The following LIPC variants were observed in gnomAD, a reference collection of about 807,000 sequenced individuals.
LIPC encodes the protein lipase C, hepatic type.
A neutral mutation model predicts 50.7 loss-of-function variants in LIPC; 44 were observed. The observed-to-expected ratio is 0.87, with a 90% CI of 0.68 to 1.11. The LOEUF is 1.11. Among genes scored for constraint, LIPC ranks in the 50% most tolerant of loss-of-function variants. The pLI, the probability that LIPC is intolerant of heterozygous loss-of-function variation, is 0.00. For missense variants in LIPC, 697 were observed against 648.2 expected, an observed-to-expected ratio of 1.08 and a Z score of -0.82; for synonymous variants, 271 against 256.4, an observed-to-expected ratio of 1.06 and a Z score of -0.54.
chr15:58,504,299 C>A (rs1892077099), intron 1 of LIPC, among the ~76,000 whole-genome samples: 1 of 152,218 alleles, frequency 6.6e-6, no homozygotes, highest in Non-Finnish European at 1.5e-5. Flanking sequence ...CAGCCCAGGG[C>A]AGAAGTGATG....
chr15:58,513,390 G>T (rs1306779062), intron 1 of LIPC, among the ~76,000 whole-genome samples: 2 of 152,198 alleles, frequency 1.3e-5, no homozygotes, highest in African/African-American at 4.8e-5. Context: ...TTGATGATCA[G>T]AAATGAAGGG....
At position 58,563,708 on chromosome 15, in the gene LIPC, G is replaced by A; in HGVS notation, c.1373G>A (p.Gly458Glu). The A allele has an allele frequency of 6.2e-7, 1 of 1,613,018 alleles. No individual in the cohort carries two copies. Among genetic ancestry groups the A allele is most frequent in the Non-Finnish European group, 8.5e-7 (1 of 1,179,974 alleles). ...LVLKTIRVKA[G>E]ETQQRMTFCS... is the part of the protein sequence containing the mutation. ...CTGAAGACGATCAGAGTCAAAGCAG[G>A]AGAAACCCAGCAAAGGTGACTGCTG... The change falls in exon 8 of 9, where the codon GGA (glycine) becomes GAA (glutamate). Residue 458 changes from glycine (G) to glutamate (E), a missense_variant. Transcript: ENST00000299022.
At position 58,560,909 on chromosome 15, in the gene LIPC, C is replaced by T. The variant is rs745849201; in HGVS notation, c.1097C>T (p.Thr366Ile). Residue 366 changes from threonine to isoleucine, a missense_variant, in exon 7 of 9, where the codon ACA (threonine) becomes ATA (isoleucine). Thr to Ile is a moderately conservative substitution (Grantham distance 89). Transcript: ENST00000299022. ...FKIQFINQTE[T>I]PIQTTFTMSL... Reference sequence around the variant, plus strand: ...ATCCAGTTCATCAACCAAACTGAGACACCAATACAAACAACTTTTACCATG... The same window carrying T: ...ATCCAGTTCATCAACCAAACTGAGATACCAATACAAACAACTTTTACCATG... The T allele has an allele frequency of 1.2e-5, 19 of 1,522,758 alleles. No individual in the cohort carries two copies. The highest frequency in any genetic ancestry group is 1.7e-4 in the Middle Eastern group (1 of 5,912). The allele number at this position is 1,522,758 out of a possible 1,614,324, so 94.3% of individuals were successfully genotyped here.
intron 1 of LIPC, among the ~76,000 whole-genome samples, chr15:58,447,568 G>A (rs1387552147): frequency 6.6e-6 from 1 of 152,190 alleles, no homozygotes; most frequent in Non-Finnish European, 1.5e-5. Context: ...TCTTGCATGT[G>A]TCACTTCACC....
At chr15:58,441,313 G>A (rs166362) in intron 1 of LIPC, among the ~76,000 whole-genome samples, 42,068 of 152,136 alleles carry the variant, frequency 0.28, 8,245 homozygotes, top group East Asian at 0.61. Context: ...CACATAACAG[G>A]AGCTTAATAT....
At chr15:58,483,199 T>C (rs576910618) in intron 1 of LIPC, among the ~76,000 whole-genome samples, 2 of 152,326 alleles carry the variant, frequency 1.3e-5, no homozygotes, top group African/African-American at 4.8e-5. Flanking sequence ...TGAAATTCAA[T>C]GTAAATCACA....
intron 1 of LIPC, among the ~76,000 whole-genome samples, chr15:58,452,628 T>C (rs1360694059): frequency 2.0e-5 from 3 of 152,050 alleles, no homozygotes; most frequent in African/African-American, 4.8e-5. Flanking sequence ...CCTTCTCTCA[T>C]GAGCTAGACT....
intron 1 of LIPC, among the ~76,000 whole-genome samples, chr15:58,455,151 ATT>A: frequency 6.6e-6 from 1 of 152,358 alleles, no homozygotes; most frequent in South Asian, 2.1e-4. Context: ...ATTGGCAAAC[ATT>A]ATAGATTAGG....
chr15:58,483,707 A>G lies in LIPC; in HGVS notation c.88+51587A>G, dbSNP rs1025526522. Among the ~76,000 whole-genome samples the G allele has an allele frequency of 1.3e-5, 2 of 152,340 alleles. 1 individual carries two copies. The highest frequency in any genetic ancestry group is 4.1e-4 in the South Asian group (2 of 4,826). ...CCAAGACCATGCCCGTTGAGTAAAA[A>G]TATCTCTTGGCAAGTTGTCCTACAT... On this transcript the variant is annotated intron_variant, in intron 1 of 8. Transcript: ENST00000299022.
chr15:58,463,078 G>GGT (rs1356520281), intron 1 of LIPC, among the ~76,000 whole-genome samples: 135 of 152,332 alleles, frequency 8.9e-4, no homozygotes, highest in African/African-American at 3.1e-3. Flanking sequence ...CAGCACTGGG[G>GGT]GTGTGTGGCT....
At chr15:58,506,896 G>A (rs1035411035) in intron 1 of LIPC, among the ~76,000 whole-genome samples, 1 of 152,198 alleles carries the variant, frequency 6.6e-6, no homozygotes, top group African/African-American at 2.4e-5. Context: ...GCATGGCTTG[G>A]GAGGCCTCAG....
chr15:58,486,133 T>C (rs375850422), intron 1 of LIPC, among the ~76,000 whole-genome samples: 1 of 152,178 alleles, frequency 6.6e-6, no homozygotes. Flanking sequence ...CTCCTTGACA[T>C]GGACGGCTCT....
chr15:58,494,717 C>T, intron 1 of LIPC: 1 of 453,470 alleles, frequency 2.2e-6, no homozygotes, highest in South Asian at 1.6e-5. Context: ...CAAAATACAG[C>T]TTGGGTGGGA....
chr15:58,456,793 G>T (rs1894135056), intron 1 of LIPC, among the ~76,000 whole-genome samples: 1 of 152,160 alleles, frequency 6.6e-6, no homozygotes, highest in South Asian at 2.1e-4. Flanking sequence ...GTCTTTTTAG[G>T]GCTTCACCAC....
intron 1 of LIPC, among the ~76,000 whole-genome samples, chr15:58,477,944 C>G (rs1238087499): frequency 6.6e-6 from 1 of 151,960 alleles, no homozygotes; most frequent in African/African-American, 2.4e-5. Context: ...CCTGTCTTCC[C>G]AGTCTCATCT....
chr15:58,510,959 C>T (rs115964075), intron 1 of LIPC, among the ~76,000 whole-genome samples: 524 of 152,322 alleles, frequency 3.4e-3, no homozygotes, highest in African/African-American at 0.012. Context: ...AGTGCTGTCA[C>T]GTGATGACGT....
chr15:58,432,230 C>A lies in LIPC; in HGVS notation c.88+110C>A. 4.7e-6 allele frequency: 4 copies of A among 848,184 alleles called. No homozygotes were observed. The Admixed American group carries it at 5.5e-5, about 12-fold the overall frequency. The allele number at this position is 848,184 out of a possible 1,614,324, so 52.5% of individuals were successfully genotyped here. On this transcript the variant is annotated intron_variant, in intron 1 of 8. Transcript: ENST00000299022. Reference sequence around the variant, plus strand: ...GTATGGGACAGAGCTTGCTTCAGAGCGTGCCAGGTGGTTCTATACACGACC... The same window carrying A: ...GTATGGGACAGAGCTTGCTTCAGAGAGTGCCAGGTGGTTCTATACACGACC...
intron 1 of LIPC, among the ~76,000 whole-genome samples, chr15:58,510,910 G>T (rs1165667264): frequency 1.3e-5 from 2 of 152,242 alleles, no homozygotes; most frequent in African/African-American, 4.8e-5. Context: ...AGTTGGTGAG[G>T]ATAACAGCAC....
At chr15:58,516,379 C>T (rs4774302) in intron 1 of LIPC, among the ~76,000 whole-genome samples, 83,655 of 150,968 alleles carry the variant, frequency 0.55, 23,545 homozygotes, top group Middle Eastern at 0.64. Context: ...TTTCATCAAA[C>T]GTAGATATTT....
Sources: gnomAD v4.1 joint callset for allele counts (sites outside exome capture counted in the v4.1 genomes callset) on GRCh38, gnomAD v4.1.1 for gene constraint, MANE v1.5 for transcripts, NCBI Gene and HGNC (gene_info 2026-07-23, HGNC 2026-07-21) for gene names.